LRRC49: variants seen among roughly 807,000 people sequenced by gnomAD.
The protein encoded by LRRC49 is leucine-rich repeat-containing protein 49.
A neutral mutation model predicts 83.3 loss-of-function variants in LRRC49; 50 were observed. The observed-to-expected ratio is 0.60, with a 90% CI of 0.48 to 0.76. The LOEUF is 0.76. Among genes scored for constraint, LRRC49 ranks in the 30% least tolerant of loss-of-function variants. The pLI, the probability that LRRC49 is intolerant of heterozygous loss-of-function variation, is 0.00. For missense variants in LRRC49, 704 were observed against 809.1 expected (o/e 0.87, Z 1.58); for synonymous variants, 286 against 283.3 (o/e 1.01, Z -0.10).
At chr15:70,871,719 G>A (rs1173819715) in intron 1 of LRRC49, among the ~76,000 whole-genome samples, 2 of 151,122 alleles carry the variant, frequency 1.3e-5, no homozygotes, top group African/African-American at 2.4e-5. Flanking sequence ...TCCCAGACGG[G>A]GTGGTGGTGG....
chr15:70,906,726 C>G (rs2034329814), intron 5 of LRRC49, among the ~76,000 whole-genome samples: 2 of 152,120 alleles, frequency 1.3e-5, no homozygotes, highest in Admixed American at 6.6e-5. Flanking sequence ...TATTTAAGGT[C>G]TTTTTGTTCT....
intron 6 of LRRC49, among the ~76,000 whole-genome samples, chr15:70,913,165 T>A (rs2034620533): frequency 6.6e-6 from 1 of 152,224 alleles, no homozygotes; most frequent in Non-Finnish European, 1.5e-5. Flanking sequence ...CATCCTGGGA[T>A]GATCGGGGAA....
chr15:70,948,295 C>G (rs2036084572), intron 8 of LRRC49, among the ~76,000 whole-genome samples: 2 of 152,184 alleles, frequency 1.3e-5, no homozygotes, highest in African/African-American at 2.4e-5. Context: ...ACACACATAC[C>G]TCTGCCTAAG....
chr15:70,959,533 G>A (rs1210539755), intron 8 of LRRC49, among the ~76,000 whole-genome samples: 1 of 132,374 alleles, frequency 7.6e-6, no homozygotes, highest in South Asian at 2.7e-4. Context: ...AGGGAGGAAA[G>A]GAGGGAAGGA....
chr15:71,022,839 C>T (rs890708069), intron 14 of LRRC49, among the ~76,000 whole-genome samples: 1 of 152,108 alleles, frequency 6.6e-6, no homozygotes, highest in African/African-American at 2.4e-5. Context: ...AACATTGCCC[C>T]CAGCAACTGC....
At position 70,895,875 on chromosome 15, in the gene LRRC49, A is replaced by G. The variant is rs1239989179; in HGVS notation, c.132A>G (p.Thr44=). The G allele has an allele frequency of 3.7e-6, 6 of 1,611,068 alleles. No homozygotes were observed. In the African/African-American group the frequency reaches 4.0e-5, roughly 11 times the overall value. ...TTGAATTCAAGCTAAATAAAGACACATCGTCATTCCCCGGTAGACTTTTAC... is the reference window on the plus strand; with the variant it reads ...TTGAATTCAAGCTAAATAAAGACACGTCGTCATTCCCCGGTAGACTTTTAC... ...NKVEFKLNKD[T]SSFPGRLLQH... is the part of the protein sequence containing the mutation. The change falls in exon 3 of 16, where the codon ACA becomes ACG. Residue 44 remains threonine (T), a synonymous_variant. Coordinates refer to ENST00000260382, the MANE Select transcript of LRRC49 (RefSeq NM_017691.5).
chr15:70,854,048 G>A, intron 1 of LRRC49: 1 of 1,428,742 alleles, frequency 7.0e-7, no homozygotes, highest in Admixed American at 2.5e-5. Context: ...CTGCACCGCC[G>A]TCTTGGGCCC....
At chr15:70,944,006 A>C (rs187837616) in intron 8 of LRRC49, among the ~76,000 whole-genome samples, 4 of 152,180 alleles carry the variant, frequency 2.6e-5, no homozygotes, top group African/African-American at 9.7e-5. Context: ...CAGTAAACAT[A>C]AGATTTGTGT....
chr15:71,032,258 A>G (rs930958202), intron 14 of LRRC49, among the ~76,000 whole-genome samples: 1 of 152,084 alleles, frequency 6.6e-6, no homozygotes, highest in African/African-American at 2.4e-5. Context: ...TGCACTTCCC[A>G]GGTGAAGTGA....
intron 1 of LRRC49, among the ~76,000 whole-genome samples, chr15:70,865,588 T>G (rs1026589936): frequency 6.6e-6 from 1 of 152,248 alleles, no homozygotes; most frequent in Non-Finnish European, 1.5e-5. Context: ...GAATAGTCCC[T>G]TCACCATTTT....
upstream of LRRC49, chr15:70,892,785 TA>T: frequency 6.2e-7 from 1 of 1,608,166 alleles, no homozygotes; most frequent in Non-Finnish European, 8.5e-7. Flanking sequence ...GTTTCCATGG[TA>T]ACCCTGAGCA....
chr15:71,044,657 A>C (rs543403645), intron 15 of LRRC49, among the ~76,000 whole-genome samples: 11 of 151,856 alleles, frequency 7.2e-5, no homozygotes, highest in Admixed American at 4.6e-4. Context: ...GTGGTGGTGC[A>C]CGCCTGTGGT....
At position 70,963,807 on chromosome 15, in the gene LRRC49, G is replaced by C; in HGVS notation, c.796G>C (p.Ala266Pro). ...ISSFDSVSCL[A>P]DSSSLSDITF... Reference sequence around the variant, plus strand: ...CAGTTTTGACAGTGTTTCCTGCCTTGCTGACTCTTCTTCCCTCTCGGACAT... The same window carrying C: ...CAGTTTTGACAGTGTTTCCTGCCTTCCTGACTCTTCTTCCCTCTCGGACAT... The change falls in exon 9 of 16, where the codon GCT (alanine) becomes CCT (proline). Residue 266 changes from alanine (A) to proline (P), a missense_variant. By Grantham distance (27) the Ala-to-Pro change is conservative. Coordinates refer to ENST00000260382, the MANE Select transcript of LRRC49 (RefSeq NM_017691.5). 2.5e-6 allele frequency: 4 copies of C among 1,613,276 alleles called. No individual in the cohort carries two copies. The highest frequency in any genetic ancestry group is 3.4e-6 in the Non-Finnish European group (4 of 1,179,510).
upstream of LRRC49, chr15:70,892,704 C>A (rs1595986969): frequency 8.9e-6 from 13 of 1,464,112 alleles, no homozygotes; most frequent in Non-Finnish European, 1.2e-5. Context: ...TGGGCTCTCA[C>A]GAATACAACT....
intron 2 of LRRC49, among the ~76,000 whole-genome samples, chr15:70,874,093 C>T (rs1459943796): frequency 6.6e-6 from 1 of 152,096 alleles, no homozygotes; most frequent in Non-Finnish European, 1.5e-5. Flanking sequence ...TTGGGGATTT[C>T]CCTGGGTTAT....
At chr15:70,994,571 C>T (rs2141244557) in intron 11 of LRRC49, among the ~76,000 whole-genome samples, 1 of 152,212 alleles carries the variant, frequency 6.6e-6, no homozygotes, top group East Asian at 1.9e-4. Flanking sequence ...GCCTCCCAGG[C>T]TTGAGCAGTC....
chr15:70,892,158 C>G (rs975926741), upstream of LRRC49: 1 of 1,612,606 alleles, frequency 6.2e-7, no homozygotes, highest in African/African-American at 1.3e-5. Flanking sequence ...GCGCGGCAAC[C>G]CCGCACGAAG....
At chr15:70,858,426 AC>A (rs561962513) in intron 1 of LRRC49, among the ~76,000 whole-genome samples, 233 of 152,188 alleles carry the variant, frequency 1.5e-3, no homozygotes, top group African/African-American at 5.4e-3. Context: ...ACATGGCGAA[AC>A]CCTGTCTCTA....
chr15:70,866,239 C>T (rs1048211948), intron 1 of LRRC49, among the ~76,000 whole-genome samples: 6 of 152,032 alleles, frequency 3.9e-5, no homozygotes, highest in South Asian at 2.1e-4. Context: ...CCTCTGCCTC[C>T]GGGTTCAGGT....
Sources: gnomAD v4.1 joint callset for allele counts (sites outside exome capture counted in the v4.1 genomes callset) on GRCh38, gnomAD v4.1.1 for gene constraint, MANE v1.5 for transcripts, NCBI Gene and HGNC (gene_info 2026-07-23, HGNC 2026-07-21) for gene names.